ROBO1: variants seen among roughly 807,000 people sequenced by gnomAD.
ROBO1 encodes the protein roundabout homolog 1.
In ROBO1, 149 loss-of-function variants were observed where a neutral mutation model predicts 195.9. That is an observed-to-expected ratio of 0.76 (90% CI 0.67 to 0.87). The LOEUF (loss-of-function observed/expected upper bound fraction) is 0.87, where lower values mean the gene tolerates loss of function less well. ROBO1 is among the 40% of genes least tolerant of loss of function. The pLI is 0.00. For missense variants in ROBO1, 1,933 were observed against 2,068.3 expected (o/e 0.93, Z 1.27); for synonymous variants, 816 against 733.2 (o/e 1.11, Z -1.82).
chr3:79,571,947 C>G (rs1294363887), intron 2 of ROBO1, among the ~76,000 whole-genome samples: 1 of 150,210 alleles, frequency 6.7e-6, no homozygotes, highest in Non-Finnish European at 1.5e-5. Context: ...AGTTTGCAGA[C>G]TAGAAAAAAA....
At chr3:79,404,577 G>A (rs1407047005) in intron 2 of ROBO1, among the ~76,000 whole-genome samples, 1 of 152,098 alleles carries the variant, frequency 6.6e-6, no homozygotes, top group East Asian at 1.9e-4. Context: ...GCTTTTATGT[G>A]TTAAGAGCAA....
intron 4 of ROBO1, among the ~76,000 whole-genome samples, chr3:78,842,820 A>C (rs768112051): frequency 7.9e-5 from 12 of 151,974 alleles, no homozygotes; most frequent in Admixed American, 1.3e-4. Context: ...AAATAATTAC[A>C]GGTGCATATA....
At chr3:79,645,990 T>C (rs1335106033) in intron 1 of ROBO1, among the ~76,000 whole-genome samples, 2 of 152,028 alleles carry the variant, frequency 1.3e-5, no homozygotes, top group East Asian at 1.9e-4. Context: ...GAAGGAAACA[T>C]TGGGGAAACA....
chr3:79,415,255 C>A (rs2037952489), intron 2 of ROBO1, among the ~76,000 whole-genome samples: 1 of 152,092 alleles, frequency 6.6e-6, no homozygotes, highest in African/African-American at 2.4e-5. Context: ...GAAGTTCCTG[C>A]CTTCATAGAG....
intron 4 of ROBO1, among the ~76,000 whole-genome samples, chr3:78,775,711 G>T (rs982535242): frequency 2.6e-5 from 4 of 152,186 alleles, no homozygotes; most frequent in Non-Finnish European, 5.9e-5. Context: ...GCATGTTCAG[G>T]ATACTTCACT....
intron 29 of ROBO1, 26 bp from the exon 30 acceptor site, chr3:78,600,335 A>G (rs781469093): frequency 7.0e-7 from 1 of 1,426,688 alleles, no homozygotes; most frequent in South Asian, 1.2e-5. Flanking sequence ...TAATAAATGC[A>G]GGTGAGTACC....
chr3:79,239,130 A>G (rs1559756939), intron 2 of ROBO1, among the ~76,000 whole-genome samples: 1 of 152,192 alleles, frequency 6.6e-6, no homozygotes, highest in East Asian at 1.9e-4. Flanking sequence ...TCAAATCTCA[A>G]CGAACAAAGA....
At chr3:78,659,455 G>A (rs1376829318) in intron 17 of ROBO1, among the ~76,000 whole-genome samples, 1 of 152,050 alleles carries the variant, frequency 6.6e-6, no homozygotes, top group African/African-American at 2.4e-5. Flanking sequence ...CATCAGAATC[G>A]CCAAAAGATT....
chr3:79,631,777 A>T (rs758978935), intron 1 of ROBO1, among the ~76,000 whole-genome samples: 2 of 152,104 alleles, frequency 1.3e-5, no homozygotes, highest in Non-Finnish European at 2.9e-5. Context: ...ACAGTTCAAT[A>T]AGAGAAAAAA....
intron 3 of ROBO1, among the ~76,000 whole-genome samples, chr3:78,981,358 T>A (rs1212289749): frequency 6.6e-6 from 1 of 152,124 alleles, no homozygotes. Context: ...TCAACCAGCA[T>A]CTCAAATAAC....
At chr3:79,292,569 G>C (rs2032317922) in intron 2 of ROBO1, among the ~76,000 whole-genome samples, 2 of 152,122 alleles carry the variant, frequency 1.3e-5, no homozygotes, top group Non-Finnish European at 2.9e-5. Context: ...CTAGTTTATT[G>C]AGGGTTTTTA....
intron 3 of ROBO1, among the ~76,000 whole-genome samples, chr3:78,973,297 C>T (rs2076809557): frequency 6.6e-6 from 1 of 151,582 alleles, no homozygotes; most frequent in Non-Finnish European, 1.5e-5. Context: ...CTCTTTATCT[C>T]CTTGTCTTCC....
intron 3 of ROBO1, among the ~76,000 whole-genome samples, chr3:78,991,660 C>T (rs2077241030): frequency 6.6e-6 from 1 of 152,188 alleles, no homozygotes; most frequent in South Asian, 2.1e-4. Flanking sequence ...AAGCAAAAGT[C>T]TCACATTTTC....
chr3:78,952,421 C>G (rs568317661), intron 3 of ROBO1, among the ~76,000 whole-genome samples: 1 of 151,006 alleles, frequency 6.6e-6, no homozygotes, highest in Non-Finnish European at 1.5e-5. Flanking sequence ...CTTAAAAGAG[C>G]CTTGCTGCTT....
At chr3:79,380,553 C>T (rs571108821) in intron 2 of ROBO1, among the ~76,000 whole-genome samples, 1 of 152,176 alleles carries the variant, frequency 6.6e-6, no homozygotes, top group East Asian at 1.9e-4. Context: ...TTTTAGTTTG[C>T]ATTTTGCTAA....
chr3:78,647,174 G>A (rs565996050), intron 20 of ROBO1, among the ~76,000 whole-genome samples: 4 of 152,088 alleles, frequency 2.6e-5, no homozygotes, highest in East Asian at 1.9e-4. Context: ...TAGGGAAAAC[G>A]AAAAGTTCTA....
chr3:79,440,734 G>A (rs529432984), intron 2 of ROBO1, among the ~76,000 whole-genome samples: 1 of 152,204 alleles, frequency 6.6e-6, no homozygotes, highest in Admixed American at 6.5e-5. Context: ...TGTTTTGGTT[G>A]TTAAATTACA....
intron 3 of ROBO1, among the ~76,000 whole-genome samples, chr3:78,985,836 G>A (rs1297457732): frequency 6.6e-6 from 1 of 152,076 alleles, no homozygotes; most frequent in Non-Finnish European, 1.5e-5. Context: ...AACAAAGCCT[G>A]GGAAATACAT....
chr3:79,688,318 T>A (rs1576233344), intron 1 of ROBO1, among the ~76,000 whole-genome samples: 2 of 151,898 alleles, frequency 1.3e-5, no homozygotes, highest in African/African-American at 4.8e-5. Context: ...TGTATACATA[T>A]GTAACTAACC....
Sources: allele counts gnomAD v4.1 joint callset (sites outside exome capture counted in the v4.1 genomes callset), GRCh38; gene constraint gnomAD v4.1.1; transcripts MANE v1.5; gene names NCBI Gene and HGNC (gene_info 2026-07-23, HGNC 2026-07-21).